The following VPS26C variants were observed in gnomAD, a reference collection of about 807,000 sequenced individuals.
The protein encoded by VPS26C is vacuolar protein sorting-associated protein 26C.
VPS26C carries 19 observed loss-of-function variants against 30.6 expected under a neutral mutation model. The observed-to-expected ratio is 0.62, with a 90% CI of 0.43 to 0.91. The LOEUF (loss-of-function observed/expected upper bound fraction) is 0.91. Among genes scored for constraint, VPS26C ranks in the 40% least tolerant of loss-of-function variants. VPS26C has a pLI of 0.00. For missense variants in VPS26C, 318 were observed against 385.1 expected (o/e 0.83, Z 1.46); for synonymous variants, 132 against 151.5 (o/e 0.87, Z 0.95).
chr21:37,233,024 G>A lies in VPS26C; in HGVS notation c.432+338C>T, dbSNP rs554638124. ...AATTTCAGAATCTACAGATACAGCC[G>A]AGCTTCATGAGAGCCTGCCTGGCAT... On this transcript the variant is annotated intron_variant, in intron 4 of 7. Transcript: ENST00000309117. This position sits in a 1 kb window ranked among gnomAD's most constrained non-coding sequence, Gnocchi z 5.2. Among the ~76,000 whole-genome samples the A allele has an allele frequency of 5.3e-5, 8 of 152,286 alleles. No individual in the cohort carries two copies. The South Asian group carries it at 1.2e-3, about 24-fold the overall frequency.
rs576755893 is a variant in VPS26C at position 37,233,203 on chromosome 21, C to T, written c.432+159G>A. ...CCAGGACAATGATGCACACGTGATG[C>T]GCATGCCACCGACTGTCTCTGACCC... On this transcript the variant is annotated intron_variant, in intron 4 of 7. Transcript: ENST00000309117. This position sits in a 1 kb window ranked among gnomAD's most constrained non-coding sequence, Gnocchi z 5.2. The T allele has an allele frequency of 3.2e-4, 207 of 642,104 alleles. 1 individual carries two copies. The highest frequency in any genetic ancestry group is 4.2e-4 in the Non-Finnish European group (153 of 360,930). The allele number at this position is 642,104 out of a possible 1,614,324, so 39.8% of individuals were successfully genotyped here.
At chr21:37,250,304 T>TA (rs879721399) in intron 1 of VPS26C, among the ~76,000 whole-genome samples, 121 of 141,894 alleles carry the variant, frequency 8.5e-4, no homozygotes, top group East Asian at 1.4e-3. Flanking sequence ...GACTCTCTCT[T>TA]AAAAAAAAAA....
chr21:37,236,227 C>T (rs745483905), intron 3 of VPS26C, among the ~76,000 whole-genome samples: 61 of 152,100 alleles, frequency 4.0e-4, no homozygotes, highest in Non-Finnish European at 1.2e-4. Flanking sequence ...CAGTGCGGGC[C>T]GAGGAGTGCT....
chr21:37,243,901 G>A (rs966614677), intron 1 of VPS26C, among the ~76,000 whole-genome samples: 4 of 152,138 alleles, frequency 2.6e-5, no homozygotes, highest in African/African-American at 9.7e-5. Flanking sequence ...TCATATCCAG[G>A]GTCACTGGGT....
rs975168953 is a variant in VPS26C at position 37,226,063 on chromosome 21, A to C, written c.812-437T>G. ...CCATGTCCCCAATCCCCAGGTGAGA[A>C]ACAGTCTTCAGAAGCAACAATTTCA... On this transcript the variant is annotated intron_variant, in intron 7 of 7. Coordinates refer to ENST00000309117, the MANE Select transcript of VPS26C (RefSeq NM_006052.2). The surrounding 1 kb of genome is among the most constrained non-coding windows in gnomAD (Gnocchi z 4.1). 3 of 176,252 alleles carry C rather than the reference A, an allele frequency of 1.7e-5. No homozygotes were observed. The highest frequency in any genetic ancestry group is 1.7e-4 in the Admixed American group (3 of 18,166). 10.9% of individuals were successfully genotyped at this position (176,252 alleles called of 1,614,324 possible).
chr21:37,243,427 C>T (rs1473368968), intron 1 of VPS26C, among the ~76,000 whole-genome samples: 3 of 152,098 alleles, frequency 2.0e-5, no homozygotes, highest in Non-Finnish European at 4.4e-5. Context: ...TGGGAAAGGC[C>T]ATATTGTCAA....
intron 1 of VPS26C, among the ~76,000 whole-genome samples, chr21:37,251,112 G>A (rs543820881): frequency 2.6e-5 from 4 of 152,246 alleles, no homozygotes; most frequent in Middle Eastern, 3.4e-3. Context: ...CCAGAGGGGA[G>A]GCAATAAGCC....
At chr21:37,267,652 C>G, upstream of VPS26C, 1 of 295,474 alleles carries the variant, frequency 3.4e-6, no homozygotes, top group Non-Finnish European at 6.4e-6. Flanking sequence ...AACGGCTCTC[C>G]CCGCGTGCCC....
At position 37,225,336 on chromosome 21, in the gene VPS26C, A is replaced by C. The variant is rs368365190; in HGVS notation, c.*208T>G. On this transcript the variant is annotated 3_prime_UTR_variant, in exon 8 of 8. Transcript: ENST00000309117. The stretch of plus-strand genomic sequence containing the variant: ...GCATTAAGAAATCTTGTTGAATTTC[A>C]AAGAAAAGGTCTGATTAGAGGTGCC... 2 of 564,202 alleles carry C rather than the reference A, an allele frequency of 3.5e-6. No individual in the cohort carries two copies. The highest frequency in any genetic ancestry group is 3.0e-5 in the Admixed American group (1 of 33,566). The allele number at this position is 564,202 out of a possible 1,614,324, so 34.9% of individuals were successfully genotyped here. A position where few individuals can be genotyped will look rare whatever the true frequency, so the allele number is the denominator to read the frequency against.
At chr21:37,241,929 G>A (rs1483122046) in intron 1 of VPS26C, among the ~76,000 whole-genome samples, 1 of 152,210 alleles carries the variant, frequency 6.6e-6, no homozygotes, top group Non-Finnish European at 1.5e-5. Flanking sequence ...TAGTTATCCA[G>A]TGAAAAATTT....
At chr21:37,234,478 G>A (rs1173046972) in intron 3 of VPS26C, among the ~76,000 whole-genome samples, 4 of 152,150 alleles carry the variant, frequency 2.6e-5, no homozygotes, top group African/African-American at 4.8e-5. Context: ...GCTTTGAACG[G>A]AGACTGTTGC....
At chr21:37,263,758 T>C (rs1032823416) in intron 1 of VPS26C, among the ~76,000 whole-genome samples, 2 of 152,164 alleles carry the variant, frequency 1.3e-5, no homozygotes, top group Admixed American at 1.3e-4. Context: ...CCCATAAGAA[T>C]TGTAGGCATG....
intron 1 of VPS26C, among the ~76,000 whole-genome samples, chr21:37,247,183 A>C (rs2086145890): frequency 6.6e-6 from 1 of 152,238 alleles, no homozygotes; most frequent in Non-Finnish European, 1.5e-5. Context: ...GGCTATCATA[A>C]GAGACAGAGC....
At chr21:37,241,925 T>C (rs2086091947) in intron 1 of VPS26C, among the ~76,000 whole-genome samples, 1 of 152,262 alleles carries the variant, frequency 6.6e-6, no homozygotes, top group African/African-American at 2.4e-5. Flanking sequence ...CTTCTAGTTA[T>C]CCAGTGAAAA....
intron 3 of VPS26C, among the ~76,000 whole-genome samples, chr21:37,236,258 G>C (rs1213363696): frequency 6.6e-6 from 1 of 152,186 alleles, no homozygotes; most frequent in Non-Finnish European, 1.5e-5. Flanking sequence ...CGCAGGCTGA[G>C]GCTGGCCTGT....
intron 1 of VPS26C, 128 bp downstream of exon 1, chr21:37,267,110 C>A (rs1480148062): frequency 2.3e-6 from 2 of 870,918 alleles, no homozygotes; most frequent in Non-Finnish European, 3.8e-6. Flanking sequence ...CCCACCTTGG[C>A]GGAGACGCAC....
chr21:37,266,082 T>A (rs1204095598), intron 1 of VPS26C, among the ~76,000 whole-genome samples: 1 of 151,984 alleles, frequency 6.6e-6, no homozygotes, highest in Non-Finnish European at 1.5e-5. Context: ...CACGCCCGGT[T>A]AATTTTTGTA....
Position 37,255,128 on chromosome 21 carries a change from C to T in VPS26C, c.57+12110G>A, listed in dbSNP as rs969852325. Among the ~76,000 whole-genome samples, 50 of 152,164 alleles carry T rather than the reference C, an allele frequency of 3.3e-4. 1 individual carries two copies. The highest frequency in any genetic ancestry group is 1.1e-3 in the African/African-American group (44 of 41,428). ...ATGGTTTTTTAAAATCTGAAACACA[C>T]GGTCAAACTATCATGACTGTATTTT... is the stretch of plus-strand genomic sequence containing the variant. On this transcript the variant is annotated intron_variant, in intron 1 of 7. Transcript: ENST00000309117.
chr21:37,233,534 T>C lies in VPS26C; in HGVS notation c.352-92A>G, dbSNP rs1402075218. 5.5e-6 allele frequency: 5 copies of C among 916,664 alleles called. No homozygotes were observed. Among genetic ancestry groups the C allele is most frequent in the African/African-American group, 3.3e-5 (2 of 61,422 alleles). 56.8% of individuals were successfully genotyped at this position (916,664 alleles called of 1,614,324 possible). On this transcript the variant is annotated intron_variant, in intron 3 of 7. Coordinates refer to ENST00000309117, the MANE Select transcript of VPS26C (RefSeq NM_006052.2). This position sits in a 1 kb window ranked among gnomAD's most constrained non-coding sequence, Gnocchi z 5.2. Reference sequence around the variant, plus strand: ...TCAAAGAGACAAGTCAGTCAACATATTTTAGGGAAATGTTGTACAATCAGT... The same window carrying C: ...TCAAAGAGACAAGTCAGTCAACATACTTTAGGGAAATGTTGTACAATCAGT...
Sources: allele counts gnomAD v4.1 joint callset (sites outside exome capture counted in the v4.1 genomes callset), GRCh38; gene constraint gnomAD v4.1.1; non-coding constraint Gnocchi (gnomAD v3.1); transcripts MANE v1.5; gene names NCBI Gene and HGNC (gene_info 2026-07-23, HGNC 2026-07-21).